The following AKAP14 variants were observed in gnomAD, a reference collection of about 807,000 sequenced individuals.
AKAP14 encodes the protein A-kinase anchor protein 14.
AKAP14 carries 4 observed loss-of-function variants against 17.0 expected under a neutral mutation model. That is an observed-to-expected ratio of 0.23 (90% CI 0.12 to 0.54). The LOEUF is 0.54. AKAP14 is among the 20% of genes least tolerant of loss of function. AKAP14 has a pLI of 0.95. For missense variants in AKAP14, 129 were observed against 150.9 expected, an observed-to-expected ratio of 0.85 and a Z score of 0.76; for synonymous variants, 42 against 51.3, an observed-to-expected ratio of 0.82 and a Z score of 0.77.
chrX:119,917,058 A>T (rs1466674324), intron 5 of AKAP14, among the ~76,000 whole-genome samples: 7 of 103,478 alleles, frequency 6.8e-5, no homozygotes, highest in African/African-American at 2.4e-4. Context: ...GTGAGCCGAG[A>T]TTGCGCCACT....
intron 4 of AKAP14, among the ~76,000 whole-genome samples, chrX:119,906,530 G>A (rs1391786026): frequency 1.4e-4 from 13 of 94,887 alleles, no homozygotes; most frequent in African/African-American, 5.6e-4. Flanking sequence ...ATCGCGCCCG[G>A]CCCTTCTTTT....
At chrX:119,897,380 C>T (rs960077936) in intron 2 of AKAP14, among the ~76,000 whole-genome samples, 2 of 107,139 alleles carry the variant, frequency 1.9e-5, no homozygotes, top group African/African-American at 3.4e-5. Flanking sequence ...AGGATGGTCT[C>T]GATCTCCTGA....
chrX:119,913,123 A>AAAATAAATAAATAAAT (rs766878681), intron 4 of AKAP14, among the ~76,000 whole-genome samples: 2,395 of 98,027 alleles, frequency 0.024, 42 homozygotes, highest in East Asian at 0.055. Flanking sequence ...CCTGGTCTCT[A>AAAATAAATAAATAAAT]AAATAAATAA....
chrX:119,911,970 G>A lies in AKAP14; in HGVS notation c.262-2729G>A, dbSNP rs5957269. Reference sequence around the variant, plus strand: ...TCTGAGATGGAGTTTCGCTCTTGTCGCCCAGGCTGAAGTGCAATGGCGCGA... The same window carrying A: ...TCTGAGATGGAGTTTCGCTCTTGTCACCCAGGCTGAAGTGCAATGGCGCGA... On this transcript the variant is annotated intron_variant, in intron 4 of 6. Coordinates refer to ENST00000371431, the MANE Select transcript of AKAP14 (RefSeq NM_178813.6). Among the ~76,000 whole-genome samples the A allele has an allele frequency of 6.6e-3, 698 of 105,376 alleles. 5 individuals are homozygous for A. The highest frequency in any genetic ancestry group is 0.023 in the African/African-American group (651 of 28,835). The allele number at this position is 105,376 out of a possible 115,157, so 91.5% of individuals were successfully genotyped here. A position where few individuals can be genotyped will look rare whatever the true frequency, so the allele number is the denominator to read the frequency against.
chrX:119,909,924 G>C (rs1179833265), intron 4 of AKAP14, among the ~76,000 whole-genome samples: 1 of 109,493 alleles, frequency 9.1e-6, no homozygotes, highest in Admixed American at 1.0e-4. Flanking sequence ...TTGGGAGGCC[G>C]AGGCCAGTGG....
At chrX:119,899,906 C>T (rs1239240572) in intron 2 of AKAP14, among the ~76,000 whole-genome samples, 1 of 111,864 alleles carries the variant, frequency 8.9e-6, no homozygotes, top group Non-Finnish European at 1.9e-5. Context: ...AGCCCTTCCA[C>T]TCAATGGAAG....
At chrX:119,913,795 C>G (rs921992742) in intron 4 of AKAP14, among the ~76,000 whole-genome samples, 1 of 110,009 alleles carries the variant, frequency 9.1e-6, no homozygotes, top group African/African-American at 3.3e-5. Context: ...ATCAATCAAT[C>G]AATCAATCAA....
intron 5 of AKAP14, among the ~76,000 whole-genome samples, chrX:119,915,796 G>A (rs1273853413): frequency 9.3e-6 from 1 of 107,442 alleles, no homozygotes; most frequent in East Asian, 2.9e-4. Flanking sequence ...TTGAGCCACC[G>A]TGCCCGGCCC....
chrX:119,910,468 G>A (rs931025816), intron 4 of AKAP14, among the ~76,000 whole-genome samples: 1 of 111,252 alleles, frequency 9.0e-6, no homozygotes, highest in Non-Finnish European at 1.9e-5. Flanking sequence ...CCAGCCCAAG[G>A]AAGTTCAGTT....
chrX:119,920,048 TA>T, intron 6 of AKAP14, 85 bp downstream of exon 6: 1 of 961,211 alleles, frequency 1.0e-6, no homozygotes, highest in Non-Finnish European at 1.5e-6. Context: ...CAACAACAGA[TA>T]GTTCATGTAA....
rs186184273 is a variant in AKAP14, at chrX:119,910,087, C to G, written c.262-4612C>G. 4.4e-4 allele frequency among the ~76,000 whole-genome samples: 48 copies of G among 110,129 alleles called. 1 individual carries two copies. The highest frequency in any genetic ancestry group is 1.5e-3 in the African/African-American group (44 of 30,334). ...CTGAGGCGGGAGGGTCACTTAAGCC[C>G]GGGAAGGTTGAGGCTACAATGAGCC... On this transcript the variant is annotated intron_variant, in intron 4 of 6. Coordinates refer to ENST00000371431, the MANE Select transcript of AKAP14 (RefSeq NM_178813.6).
intron 2 of AKAP14, among the ~76,000 whole-genome samples, chrX:119,899,049 C>A (rs1287415772): frequency 1.4e-4 from 15 of 107,064 alleles, no homozygotes; most frequent in Non-Finnish European, 2.7e-4. Flanking sequence ...TGCCTGTAAT[C>A]CCAGCTACTC....
At chrX:119,905,087 T>C (rs962005723) in intron 4 of AKAP14, among the ~76,000 whole-genome samples, 3 of 110,155 alleles carry the variant, frequency 2.7e-5, no homozygotes, top group African/African-American at 9.9e-5. Flanking sequence ...CTCATTGTGC[T>C]TCTGTGGAAC....
intron 2 of AKAP14, among the ~76,000 whole-genome samples, chrX:119,898,133 A>G (rs1444269735): frequency 9.0e-6 from 1 of 111,507 alleles, no homozygotes; most frequent in Admixed American, 9.6e-5. Context: ...ACCGCACTCC[A>G]GCCTGGGTGA....
chrX:119,911,709 G>T (rs1049766271), intron 4 of AKAP14, among the ~76,000 whole-genome samples: 2 of 103,439 alleles, frequency 1.9e-5, no homozygotes, highest in African/African-American at 6.9e-5. Flanking sequence ...CATGAAACTT[G>T]TTTTTTTTTT....
In AKAP14 at chrX:119,899,166, C is replaced by CAAAAA. The variant is rs56354303; in HGVS notation, c.-11+2914_-11+2918dup. ...TGGGTGACAGAACAAGACTCTGTCT[C>CAAAAA]AAAAAAAAAAAAAAAAAAAGGAAGA... On this transcript the variant is annotated intron_variant, in intron 2 of 6. Coordinates refer to ENST00000371431, the MANE Select transcript of AKAP14 (RefSeq NM_178813.6). 2.0e-3 allele frequency among the ~76,000 whole-genome samples: 101 copies of CAAAAA among 49,853 alleles called. 1 individual carries two copies. Among genetic ancestry groups the CAAAAA allele is most frequent in the South Asian group, 5.6e-3 (4 of 718 alleles). 43.3% of individuals were successfully genotyped at this position (49,853 alleles called of 115,157 possible). A position where few individuals can be genotyped will look rare whatever the true frequency, so the allele number is the denominator to read the frequency against.
At chrX:119,905,717 T>TC (rs988468986) in intron 4 of AKAP14, among the ~76,000 whole-genome samples, 2 of 111,271 alleles carry the variant, frequency 1.8e-5, no homozygotes, top group African/African-American at 3.3e-5. Context: ...CCTGGAACCC[T>TC]CTCCCCTAAG....
chrX:119,907,953 T>C (rs1453767719), intron 4 of AKAP14, among the ~76,000 whole-genome samples: 1 of 112,337 alleles, frequency 8.9e-6, no homozygotes, highest in Non-Finnish European at 1.9e-5. Flanking sequence ...GATTTTAAGG[T>C]ACTACAATGT....
Position 119,897,171 on chromosome X carries a change from C to CT in AKAP14, c.-11+910dup, listed in dbSNP as rs775565043. ...CCTTCTTTCTCTCTTTCTTTCTTTT[C>CT]TTTTTTGAGGTGGAGTTGCACTCTG... On this transcript the variant is annotated intron_variant, in intron 2 of 6. Transcript: ENST00000371431. Among the ~76,000 whole-genome samples, 9 of 102,840 alleles carry CT rather than the reference C, an allele frequency of 8.8e-5. No individual in the cohort carries two copies. The East Asian group carries it at 1.3e-3, about 14-fold the overall frequency. 89.3% of individuals were successfully genotyped at this position (102,840 alleles called of 115,157 possible). A position where few individuals can be genotyped will look rare whatever the true frequency, so the allele number is the denominator to read the frequency against.
Sources: gnomAD v4.1 joint callset for allele counts (sites outside exome capture counted in the v4.1 genomes callset) on GRCh38, gnomAD v4.1.1 for gene constraint, MANE v1.5 for transcripts, NCBI Gene and HGNC (gene_info 2026-07-23, HGNC 2026-07-21) for gene names.